Variants in FRS3 observed in about 807,000 individuals in gnomAD.
The protein encoded by FRS3 is FGFR substrate 3.
A neutral mutation model predicts 41.9 loss-of-function variants in FRS3; 17 were observed. The ratio of observed to expected loss-of-function variants is 0.41; its 90% CI spans 0.28 to 0.61. The LOEUF is 0.61. FRS3 is among the 20% of genes least tolerant of loss of function. The pLI is 0.36. For missense variants in FRS3, 619 were observed against 672.1 expected (o/e 0.92, Z 0.87); for synonymous variants, 287 against 274.5 (o/e 1.05, Z -0.45).
rs1772260645 is a variant in FRS3, at chr6:41,770,627, G to GC, written c.1470dup (p.Pro491AlafsTer16). On this transcript the variant is annotated frameshift_variant, in exon 7 of 7. Transcript: ENST00000373018. LOFTEE classifies it high-confidence loss of function. ...TGAGGACCGGGAAGTCCCTACAGAGGCAGGTCGGTGCTGTTGTGCCGGGTT... is the reference window on the plus strand; with the variant it reads ...TGAGGACCGGGAAGTCCCTACAGAGGCCAGGTCGGTGCTGTTGTGCCGGGTT... 1 of 1,614,196 alleles carries GC rather than the reference G, an allele frequency of 6.2e-7. No homozygotes were observed. Among genetic ancestry groups the GC allele is most frequent in the Non-Finnish European group, 8.5e-7 (1 of 1,179,994 alleles).
Position 41,770,909 on chromosome 6 carries a change from G to T in FRS3, c.1189C>A (p.Pro397Thr), listed in dbSNP as rs774209432. 1 of 1,611,556 alleles carries T rather than the reference G, an allele frequency of 6.2e-7. No homozygotes were observed. The change falls in exon 7 of 7, where the codon CCA becomes ACA. Residue 397 changes from proline (P) to threonine (T), a missense_variant. Physicochemically the swap from Pro to Thr is conservative, Grantham distance 38. Transcript: ENST00000373018. Reference protein sequence around the residue: ...PVPLTRRRGSPRVFNFDFRRP... With the variant: ...PVPLTRRRGSTRVFNFDFRRP... ...CGGAAATCAAAGTTGAAGACCCTTG[G>T]GGAGCCGCGGCGGCGGGTCAGTGGC...
At chr6:41,778,359 C>T (rs1048176251) in intron 1 of FRS3, among the ~76,000 whole-genome samples, 183 bp from the exon 2 acceptor site, 3 of 152,130 alleles carry the variant, frequency 2.0e-5, no homozygotes, top group African/African-American at 7.2e-5. Context: ...CCCCACGGGC[C>T]CTGAGAGGGA....
chr6:41,775,454 G>A lies in FRS3; in HGVS notation c.218C>T (p.Ser73Phe), dbSNP rs2127300413. The change falls in exon 4 of 7, where the codon TCC (serine) becomes TTC (phenylalanine). Residue 73 changes from serine (S) to phenylalanine (F), a missense_variant. Ser to Phe is a radical substitution (Grantham distance 155). This residue lies in a region of FRS3 where 100 missense variants were observed against 138.1 expected (regional missense o/e 0.72). Transcript: ENST00000373018. Reference sequence around the variant, plus strand: ...CTGACATCGGCGGCCACTCTCAAAGGAGAAGAGGTTGGAGTCGTAGCCATA... The same window carrying A: ...CTGACATCGGCGGCCACTCTCAAAGAAGAAGAGGTTGGAGTCGTAGCCATA... Reference protein sequence around the residue: ...RRYGYDSNLFSFESGRRCQTG... With the variant: ...RRYGYDSNLFFFESGRRCQTG... The A allele has an allele frequency of 6.2e-7, 1 of 1,613,348 alleles. No individual in the cohort carries two copies.
chr6:41,770,812 C>A lies in FRS3; in HGVS notation c.1286G>T (p.Arg429Leu). ...QVELKGWGGD[R>L]PKGPQNPSSP... The stretch of plus-strand genomic sequence containing the variant: ...CGAGGGGTTCTGGGGCCCCTTAGGG[C>A]GGTCTCCACCCCAGCCCTTTAGCTC... Residue 429 changes from arginine (R) to leucine (L), a missense_variant, in exon 7 of 7, where the codon CGC becomes CTC. Around this residue, in one of 3 missense-constraint regions of FRS3, gnomAD observed 487 missense variants for 478.3 expected, o/e 1.02. Coordinates refer to ENST00000373018, the MANE Select transcript of FRS3 (RefSeq NM_006653.5). 1 of 1,610,810 alleles carries A rather than the reference C, an allele frequency of 6.2e-7. No homozygotes were observed. The highest frequency in any genetic ancestry group is 8.5e-7 in the Non-Finnish European group (1 of 1,179,370).
intron 4 of FRS3, among the ~76,000 whole-genome samples, chr6:41,774,624 A>G (rs560384878): frequency 6.6e-6 from 1 of 152,230 alleles, no homozygotes; most frequent in East Asian, 1.9e-4. Context: ...GTGTCTGTCA[A>G]TCAGGGGACT....
intron 5 of FRS3, among the ~76,000 whole-genome samples, 176 bp downstream of exon 5, chr6:41,772,622 G>A (rs1156338954): frequency 6.6e-6 from 1 of 152,168 alleles, no homozygotes; most frequent in Non-Finnish European, 1.5e-5. Context: ...ACCTAGCCCA[G>A]CCCAGGACTT....
rs750411279 is a variant in FRS3 at position 41,770,915 on chromosome 6, C to T, written c.1183G>A (p.Gly395Ser). ...TCAAAGTTGAAGACCCTTGGGGAGC[C>T]GCGGCGGCGGGTCAGTGGCACAGGA... ...SFPVPLTRRR[G>S]SPRVFNFDFR... Residue 395 changes from glycine to serine, a missense_variant, in exon 7 of 7, where the codon GGC (glycine) becomes AGC (serine). Gly to Ser is a moderately conservative substitution (Grantham distance 56). Coordinates refer to ENST00000373018, the MANE Select transcript of FRS3 (RefSeq NM_006653.5). The T allele has an allele frequency of 7.4e-6, 12 of 1,611,608 alleles. No homozygotes were observed. The highest frequency in any genetic ancestry group is 5.5e-5 in the South Asian group (5 of 91,076).
Position 41,771,908 on chromosome 6 carries a change from A to G in FRS3, c.472T>C (p.Phe158Leu). The G allele has an allele frequency of 6.4e-7, 1 of 1,558,060 alleles. No homozygotes were observed. Among genetic ancestry groups the G allele is most frequent in the Non-Finnish European group, 8.7e-7 (1 of 1,150,704 alleles). ...GTCGAGAGCCGCCGGGGAGCTGAGA[A>G]TCGTGGGCCCTCTCCAGGGCAGCCA... Reference protein sequence around the residue: ...SNGCPGEGPRFSAPRRLSTSS... With the variant: ...SNGCPGEGPRLSAPRRLSTSS... The change falls in exon 6 of 7, where the codon TTC becomes CTC. Residue 158 changes from phenylalanine (F) to leucine (L), a missense_variant. Transcript: ENST00000373018.
intron 4 of FRS3, among the ~76,000 whole-genome samples, chr6:41,775,205 T>C (rs1772383797): frequency 1.3e-5 from 2 of 152,212 alleles, no homozygotes; most frequent in African/African-American, 4.8e-5. Context: ...ACTCAGACCA[T>C]GCCACTTCTT....
At chr6:41,772,385 T>G (rs1407191332) in intron 5 of FRS3, among the ~76,000 whole-genome samples, 3 of 152,182 alleles carry the variant, frequency 2.0e-5, no homozygotes, top group African/African-American at 7.2e-5. Flanking sequence ...CTGATCTGAA[T>G]TCAATGACTG....
In FRS3 at chr6:41,771,418, T is replaced by C. The variant is rs771664907; in HGVS notation, c.680A>G (p.Asp227Gly). Residue 227 changes from aspartate to glycine, a missense_variant, in exon 7 of 7, where the codon GAC becomes GGC. Physicochemically the swap from Asp to Gly is moderately conservative, Grantham distance 94. Around this residue, in one of 3 missense-constraint regions of FRS3, gnomAD observed 487 missense variants for 478.3 expected, o/e 1.02. Transcript: ENST00000373018. ...APFLPQARGP[D>G]QRDPQVFLQP... ...CAAGAACACCTGTGGGTCCCGTTGG[T>C]CAGGTCCCCGGGCCTGCGGGAGGAA... 1 of 1,613,158 alleles carries C rather than the reference T, an allele frequency of 6.2e-7. No individual in the cohort carries two copies. Among genetic ancestry groups the C allele is most frequent in the Non-Finnish European group, 8.5e-7 (1 of 1,179,628 alleles).
At chr6:41,773,524 G>A (rs954527065) in intron 4 of FRS3, among the ~76,000 whole-genome samples, 39 of 152,090 alleles carry the variant, frequency 2.6e-4, no homozygotes, top group African/African-American at 8.0e-4. Context: ...GCTCTGAAGC[G>A]AAATCATTTT....
intron 6 of FRS3, 118 bp from the exon 7 acceptor site, chr6:41,771,651 G>A: frequency 8.6e-7 from 1 of 1,156,346 alleles, no homozygotes; most frequent in South Asian, 1.5e-5. Flanking sequence ...CTTCTTCCTT[G>A]TCCTCCAACC....
intron 4 of FRS3, among the ~76,000 whole-genome samples, chr6:41,774,256 C>A (rs1299451460): frequency 6.6e-6 from 1 of 152,022 alleles, no homozygotes; most frequent in Non-Finnish European, 1.5e-5. Context: ...GCCAGGTGAG[C>A]GAACACTCTA....
chr6:41,778,920 G>A (rs1293794605), intron 1 of FRS3, among the ~76,000 whole-genome samples: 2 of 152,084 alleles, frequency 1.3e-5, no homozygotes, highest in South Asian at 2.1e-4. Flanking sequence ...GCAGACCCTG[G>A]ACATCCCACA....
chr6:41,775,093 T>C (rs1772381775), intron 4 of FRS3, among the ~76,000 whole-genome samples: 1 of 152,206 alleles, frequency 6.6e-6, no homozygotes, highest in African/African-American at 2.4e-5. Context: ...TCAGAGAAGC[T>C]TGTTCATTCC....
intron 4 of FRS3, among the ~76,000 whole-genome samples, chr6:41,773,388 G>A (rs1772344671): frequency 6.6e-6 from 1 of 151,986 alleles, no homozygotes; most frequent in Admixed American, 6.5e-5. Context: ...ACAGGCGTGA[G>A]CCACCACGCC....
rs1179260806 is a variant in FRS3, at chr6:41,771,421, G to A, written c.677C>T (p.Pro226Leu). The A allele has an allele frequency of 1.2e-6, 2 of 1,613,130 alleles. No individual in the cohort carries two copies. Among genetic ancestry groups the A allele is most frequent in the Non-Finnish European group, 8.5e-7 (1 of 1,179,498 alleles). The change falls in exon 7 of 7, where the codon CCT becomes CTT. Residue 226 changes from proline (P) to leucine (L), a missense_variant. Pro to Leu is a moderately conservative substitution (Grantham distance 98). Coordinates refer to ENST00000373018, the MANE Select transcript of FRS3 (RefSeq NM_006653.5). Reference sequence around the variant, plus strand: ...GAACACCTGTGGGTCCCGTTGGTCAGGTCCCCGGGCCTGCGGGAGGAAGGG... The same window carrying A: ...GAACACCTGTGGGTCCCGTTGGTCAAGTCCCCGGGCCTGCGGGAGGAAGGG... ...QAPFLPQARG[P>L]DQRDPQVFLQ...
rs1284405660 is a variant in FRS3 at position 41,779,841 on chromosome 6, G to A, written c.-193C>T. 3.4e-5 allele frequency: 5 copies of A among 145,478 alleles called. No individual in the cohort carries two copies. Among genetic ancestry groups the A allele is most frequent in the Non-Finnish European group, 7.6e-5 (5 of 65,758 alleles). The allele number at this position is 145,478 out of a possible 1,614,324, so 9.0% of individuals were successfully genotyped here. The stretch of plus-strand genomic sequence containing the variant: ...ATCGCCCCGCGGCCCGGGCGGCGCC[G>A]GGCCCCGCTCCCGGGTCCCGCTGCA... On this transcript the variant is annotated 5_prime_UTR_variant, in exon 1 of 7. Transcript: ENST00000373018.
Sources: allele counts gnomAD v4.1 joint callset (sites outside exome capture counted in the v4.1 genomes callset), GRCh38; gene constraint gnomAD v4.1.1; regional missense constraint gnomAD v4.1.1; transcripts MANE v1.5; gene names NCBI Gene and HGNC (gene_info 2026-07-23, HGNC 2026-07-21).